Variants in PXDN observed in about 807,000 individuals in gnomAD.
PXDN encodes the protein peroxidasin.
Under a neutral mutation model 140.3 loss-of-function variants are expected in PXDN, and 77 were observed. The observed-to-expected ratio is 0.55, with a 90% CI of 0.46 to 0.66. The LOEUF is 0.66. Among genes scored for constraint, PXDN ranks in the 30% least tolerant of loss-of-function variants. The probability of loss-of-function intolerance (pLI) is 0.00; values close to 1 mark genes in which losing one functional copy is unlikely to be tolerated. For missense variants in PXDN, 1,838 were observed against 2,039.5 expected, an observed-to-expected ratio of 0.90 and a Z score of 1.90; for synonymous variants, 911 against 857.4, an observed-to-expected ratio of 1.06 and a Z score of -1.09.
At chr2:1,680,157 A>AGATTGTGTGC in intron 7 of PXDN, 36 bp downstream of exon 7, 20 of 1,342,096 alleles carry the variant, frequency 1.5e-5, no homozygotes, top group Non-Finnish European at 1.8e-5. Context: ...AGATGGTGTG[A>AGATTGTGTGC]GTGTGTGGAT....
chr2:1,716,857 A>G (rs576091752), intron 1 of PXDN, among the ~76,000 whole-genome samples: 48 of 152,096 alleles, frequency 3.2e-4, no homozygotes, highest in Non-Finnish European at 6.0e-4. Flanking sequence ...CCACTCCTTC[A>G]TTTCACACCA....
At chr2:1,635,351 G>C in intron 22 of PXDN, 57 bp downstream of exon 22, 1 of 1,453,392 alleles carries the variant, frequency 6.9e-7, no homozygotes, top group Middle Eastern at 2.3e-4. Context: ...GTGGTCACAT[G>C]GGACTCTCGG....
At chr2:1,721,683 C>A (rs534581936) in intron 1 of PXDN, among the ~76,000 whole-genome samples, 1 of 152,122 alleles carries the variant, frequency 6.6e-6, no homozygotes, top group Non-Finnish European at 1.5e-5. Flanking sequence ...AAAAATTAGC[C>A]GGGCTTGGTG....
chr2:1,654,512 G>C lies in PXDN; in HGVS notation c.1838-4C>G, dbSNP rs781615226. On this transcript the variant is annotated splice_region_variant and splice_polypyrimidine_tract_variant and intron_variant, in intron 14 of 22. Transcript: ENST00000252804. The stretch of plus-strand genomic sequence containing the variant: ...CCATTTCGACTGACGTCAGGAACTA[G>C]GAAAATACAAAGTCGCGTATTACCA... The C allele has an allele frequency of 6.2e-7, 1 of 1,604,884 alleles. No homozygotes were observed.
chr2:1,650,999 G>C (rs1683002293), intron 16 of PXDN, among the ~76,000 whole-genome samples: 1 of 152,116 alleles, frequency 6.6e-6, no homozygotes. Flanking sequence ...GGGAGAATAA[G>C]TCAGAAACAC....
chr2:1,701,728 T>G (rs187279911), intron 1 of PXDN, among the ~76,000 whole-genome samples: 1 of 152,038 alleles, frequency 6.6e-6, no homozygotes, highest in Non-Finnish European at 1.5e-5. Context: ...CCCGTCAAAT[T>G]TGTGCTAAGA....
chr2:1,699,250 A>C (rs1337343472), intron 1 of PXDN, among the ~76,000 whole-genome samples: 1 of 152,254 alleles, frequency 6.6e-6, no homozygotes, highest in Non-Finnish European at 1.5e-5. Flanking sequence ...GGTAATGCTT[A>C]ATTTAATCAT....
At chr2:1,644,858 T>G (rs560657879) in intron 17 of PXDN, 106 bp from the exon 18 acceptor site, 1 of 1,193,534 alleles carries the variant, frequency 8.4e-7, no homozygotes, top group South Asian at 3.0e-5. Context: ...TTTTACATTA[T>G]TTAGAATTTT....
At position 1,640,010 on chromosome 2, in the gene PXDN, GGGGCCCTC is replaced by G. The variant is rs879277693; in HGVS notation, c.3953-596_3953-589del. On this transcript the variant is annotated intron_variant, in intron 19 of 22. Transcript: ENST00000252804. ...CCTCACCTGAGCCCCGGGTGAGTGA[GGGGCCCTC>G]AGTGCCGTGTCCCTCCTGGTCCCCG... Among the ~76,000 whole-genome samples the G allele has an allele frequency of 4.3e-3, 647 of 152,082 alleles. 44 individuals are homozygous for G. Among genetic ancestry groups the G allele is most frequent in the Middle Eastern group, 0.014 (4 of 290 alleles).
rs746336803 is a variant in PXDN at position 1,653,711 on chromosome 2, C to T, written c.2021G>A (p.Arg674Gln). Residue 674 changes from arginine (R) to glutamine (Q), a missense_variant, in exon 16 of 23, where the codon CGG (arginine) becomes CAG (glutamine). Around this residue, in one of 5 missense-constraint regions of PXDN, gnomAD observed 537 missense variants for 583.9 expected, o/e 0.92. Transcript: ENST00000252804. ...PRDPYTVEQA[R>Q]AGEIFERTLQ... The stretch of plus-strand genomic sequence containing the variant: ...TGTCCGTTCAAAGATTTCTCCCGCC[C>T]GTGCCTGTTCAACTGTGTAAGGATC... 13 of 1,605,400 alleles carry T rather than the reference C, an allele frequency of 8.1e-6. No individual in the cohort carries two copies. The highest frequency in any genetic ancestry group is 1.1e-5 in the South Asian group (1 of 88,808).
At position 1,742,895 on chromosome 2, in the gene PXDN, T is replaced by C. The variant is rs1019987249; in HGVS notation, c.200+1361A>G. Among the ~76,000 whole-genome samples, 8 of 152,370 alleles carry C rather than the reference T, an allele frequency of 5.3e-5. No individual in the cohort carries two copies. The East Asian group carries it at 9.6e-4, about 18-fold the overall frequency. On this transcript the variant is annotated intron_variant, in intron 1 of 22. Coordinates refer to ENST00000252804, the MANE Select transcript of PXDN (RefSeq NM_012293.3). ...GGAGCCGTGGTCTGTCCCAGCACTT[T>C]GTTTCGGAGGTAGGCGCACTGGCCG...
At chr2:1,646,016 G>A (rs1327686871) in intron 17 of PXDN, 5 of 152,282 alleles carry the variant, frequency 3.3e-5, no homozygotes, top group Admixed American at 3.3e-4. Flanking sequence ...GGGCAGCAGA[G>A]GCGAGCCCAG....
rs767295849 is a variant in PXDN, at chr2:1,635,429, T to G, written c.4299A>C (p.Ala1433=). 1.3e-6 allele frequency: 2 copies of G among 1,594,694 alleles called. No homozygotes were observed. The highest frequency in any genetic ancestry group is 1.7e-6 in the Non-Finnish European group (2 of 1,169,632). ...TCACTTTGCATTCACAAATGGTGCATGCATCTTTTTTCCACTTGGTGTTGT... is the reference window on the plus strand; with the variant it reads ...TCACTTTGCATTCACAAATGGTGCAGGCATCTTTTTTCCACTTGGTGTTGT... The part of the protein sequence containing the change: ...HANNTKWKKD[A]CTICECKDGQ... The change falls in exon 22 of 23, where the codon GCA becomes GCC. Residue 1433 remains alanine (A), a synonymous_variant. Transcript: ENST00000252804.
At chr2:1,652,832 A>C (rs924811455) in intron 16 of PXDN, among the ~76,000 whole-genome samples, 1 of 152,166 alleles carries the variant, frequency 6.6e-6, no homozygotes, top group South Asian at 2.1e-4. Flanking sequence ...TCTAATCGTA[A>C]AAGTTATGCT....
At chr2:1,702,697 C>T (rs1329413758) in intron 1 of PXDN, among the ~76,000 whole-genome samples, 1 of 151,876 alleles carries the variant, frequency 6.6e-6, no homozygotes, top group East Asian at 1.9e-4. Flanking sequence ...GGCGTGATCT[C>T]GGTTCACTGC....
chr2:1,666,051 C>T (rs1334070904), intron 10 of PXDN, among the ~76,000 whole-genome samples, 163 bp downstream of exon 10: 3 of 152,146 alleles, frequency 2.0e-5, no homozygotes, highest in South Asian at 4.2e-4. Flanking sequence ...AAACTGCAGT[C>T]GTCTGTATTT....
intron 1 of PXDN, among the ~76,000 whole-genome samples, chr2:1,716,224 G>C (rs1189324091): frequency 6.6e-6 from 1 of 152,002 alleles, no homozygotes; most frequent in East Asian, 1.9e-4. Flanking sequence ...GATCACCTGA[G>C]GTCAGGAGTT....
intron 1 of PXDN, among the ~76,000 whole-genome samples, chr2:1,730,818 T>G (rs1013885464): frequency 3.3e-5 from 5 of 152,068 alleles, no homozygotes; most frequent in African/African-American, 1.2e-4. Flanking sequence ...TTACAAGCAA[T>G]CCGGCTGTGA....
intron 3 of PXDN, among the ~76,000 whole-genome samples, chr2:1,689,592 G>C (rs948636113): frequency 1.3e-5 from 2 of 152,270 alleles, no homozygotes; most frequent in East Asian, 3.9e-4. Context: ...AGATCAGCCT[G>C]ACCAAAATGG....
Sources: allele counts gnomAD v4.1 joint callset (sites outside exome capture counted in the v4.1 genomes callset), GRCh38; gene constraint gnomAD v4.1.1; regional missense constraint gnomAD v4.1.1; transcripts MANE v1.5; gene names NCBI Gene and HGNC (gene_info 2026-07-23, HGNC 2026-07-21).